DACH2: variants seen among roughly 807,000 people sequenced by gnomAD.
DACH2 encodes the protein dachshund homolog 2.
In DACH2, 17 loss-of-function variants were observed where a neutral mutation model predicts 35.8. The ratio of observed to expected loss-of-function variants is 0.48; its 90% CI spans 0.33 to 0.71. DACH2 has a LOEUF of 0.71. Among genes scored for constraint, DACH2 ranks in the 30% least tolerant of loss-of-function variants. DACH2 has a pLI of 0.02. For missense variants in DACH2, 469 were observed against 472.7 expected (o/e 0.99, Z 0.07); for synonymous variants, 195 against 177.3 (o/e 1.10, Z -0.79).
chrX:86,809,355 AT>A (rs200312336), intron 7 of DACH2, among the ~76,000 whole-genome samples: 195 of 111,274 alleles, frequency 1.8e-3, no homozygotes, highest in Admixed American at 0.016. Flanking sequence ...GCCAATTAGG[AT>A]TTTTCAACCC....
intron 7 of DACH2, among the ~76,000 whole-genome samples, chrX:86,784,097 AC>A (rs778821860): frequency 1.8e-5 from 2 of 110,144 alleles, no homozygotes; most frequent in Admixed American, 9.8e-5. Context: ...CATCCCATGT[AC>A]CCCACAAATA....
chrX:86,340,144 T>C (rs1175914579), intron 1 of DACH2, among the ~76,000 whole-genome samples: 1 of 111,948 alleles, frequency 8.9e-6, no homozygotes, highest in African/African-American at 3.2e-5. Context: ...TGTACAGGCA[T>C]ACCTTGTTTT....
chrX:86,585,624 A>G (rs1479545430), intron 3 of DACH2, among the ~76,000 whole-genome samples: 1 of 110,587 alleles, frequency 9.0e-6, no homozygotes, highest in African/African-American at 3.3e-5. Flanking sequence ...ATGTATGCTC[A>G]TTGGTTAGCT....
chrX:86,427,311 G>A (rs993633657), intron 2 of DACH2, among the ~76,000 whole-genome samples: 1 of 111,033 alleles, frequency 9.0e-6, no homozygotes, highest in African/African-American at 3.3e-5. Context: ...TGGAAATTGT[G>A]GAAAATTTTT....
rs180813159 is a variant in DACH2, at chrX:86,431,009, T to C, written c.527+54147T>C. 2.7e-4 allele frequency among the ~76,000 whole-genome samples: 30 copies of C among 112,191 alleles called. No individual in the cohort carries two copies. In the East Asian group the frequency reaches 3.1e-3, roughly 12 times the overall value. ...ATTAATTCTGTTGTGAGTGACTAAA[T>C]GCTATAGTTTGCTGACTTGAAGTTT... is the stretch of plus-strand genomic sequence containing the variant. On this transcript the variant is annotated intron_variant, in intron 2 of 11. Coordinates refer to ENST00000373125, the MANE Select transcript of DACH2 (RefSeq NM_053281.3).
chrX:86,183,416 G>A (rs2031565301), intron 1 of DACH2, among the ~76,000 whole-genome samples: 1 of 112,060 alleles, frequency 8.9e-6, no homozygotes, highest in South Asian at 3.7e-4. Context: ...GGCCTTTTCT[G>A]CATCTACTAA....
At chrX:86,228,762 C>CT (rs1388658643) in intron 1 of DACH2, among the ~76,000 whole-genome samples, 1 of 111,460 alleles carries the variant, frequency 9.0e-6, no homozygotes, top group Admixed American at 9.5e-5. Flanking sequence ...TGTGTATCTT[C>CT]TTTTGGGAAT....
intron 7 of DACH2, among the ~76,000 whole-genome samples, chrX:86,785,247 G>A (rs2042125901): frequency 8.9e-6 from 1 of 112,063 alleles, no homozygotes; most frequent in African/African-American, 3.2e-5. Context: ...TGCGTAAGCA[G>A]TGAAATATAC....
chrX:86,248,829 A>T (rs1198894840), intron 1 of DACH2, among the ~76,000 whole-genome samples: 2 of 111,376 alleles, frequency 1.8e-5, no homozygotes, highest in African/African-American at 6.5e-5. Context: ...ACAGCGTGGT[A>T]CTTGTACAAA....
intron 3 of DACH2, among the ~76,000 whole-genome samples, chrX:86,625,565 C>A (rs1230429573): frequency 1.8e-5 from 2 of 110,790 alleles, no homozygotes; most frequent in Non-Finnish European, 3.8e-5. Flanking sequence ...ACCCTAAACC[C>A]CACTGTATTA....
chrX:86,830,088 CCT>C (rs1315767831), intron 11 of DACH2: 2 of 111,796 alleles, frequency 1.8e-5, no homozygotes, highest in African/African-American at 6.5e-5. Flanking sequence ...AGCTACTACT[CCT>C]CTCTGTTTAT....
At chrX:86,677,052 C>T (rs890872050) in intron 4 of DACH2, among the ~76,000 whole-genome samples, 1 of 111,776 alleles carries the variant, frequency 8.9e-6, no homozygotes, top group Non-Finnish European at 1.9e-5. Context: ...GGAGATACTG[C>T]ACCTCAAAAT....
intron 7 of DACH2, among the ~76,000 whole-genome samples, chrX:86,789,937 G>A (rs1456496014): frequency 9.0e-6 from 1 of 110,920 alleles, no homozygotes; most frequent in Admixed American, 9.6e-5. Context: ...TTAACCAAAG[G>A]AAAATTACAA....
intron 1 of DACH2, among the ~76,000 whole-genome samples, chrX:86,259,388 C>T (rs921955451): frequency 2.9e-4 from 32 of 111,341 alleles, no homozygotes; most frequent in Admixed American, 1.4e-3. Flanking sequence ...TTCCATGATT[C>T]GTTTATTCAA....
At position 86,263,153 on chromosome X, in the gene DACH2, C is replaced by T. The variant is rs867024851; in HGVS notation, c.489-113671C>T. ...AAAGAACCATGTCAAAAGAAAGCAG[C>T]TATGAATGTATACTTCAGTGCTGGT... On this transcript the variant is annotated intron_variant, in intron 1 of 11. Coordinates refer to ENST00000373125, the MANE Select transcript of DACH2 (RefSeq NM_053281.3). 3.4e-4 allele frequency: 74 copies of T among 216,513 alleles called. 1 individual carries two copies. Among genetic ancestry groups the T allele is most frequent in the African/African-American group, 1.4e-3 (47 of 32,725 alleles). 17.8% of individuals were successfully genotyped at this position (216,513 alleles called of 1,213,427 possible).
intron 1 of DACH2, among the ~76,000 whole-genome samples, chrX:86,232,897 T>C (rs1205210296): frequency 8.9e-6 from 1 of 112,205 alleles, no homozygotes; most frequent in African/African-American, 3.2e-5. Context: ...CACATGTATG[T>C]TCATTGCAGA....
intron 3 of DACH2, among the ~76,000 whole-genome samples, chrX:86,608,343 G>A (rs947803039): frequency 8.9e-5 from 10 of 111,836 alleles, no homozygotes; most frequent in African/African-American, 3.2e-4. Flanking sequence ...TTCAACCATT[G>A]TGGAATTCAG....
chrX:86,483,751 G>A (rs1485250366), intron 2 of DACH2, among the ~76,000 whole-genome samples: 1 of 111,111 alleles, frequency 9.0e-6, no homozygotes, highest in Non-Finnish European at 1.9e-5. Context: ...AGGATTGCTT[G>A]AGCCTGGGAG....
At chrX:86,824,736 T>C (rs1372404599) in intron 11 of DACH2, among the ~76,000 whole-genome samples, 1 of 111,808 alleles carries the variant, frequency 8.9e-6, no homozygotes, top group African/African-American at 3.2e-5. Flanking sequence ...ATAATAAAAA[T>C]GAATAAATGC....
Sources: allele counts gnomAD v4.1 joint callset (sites outside exome capture counted in the v4.1 genomes callset), GRCh38; gene constraint gnomAD v4.1.1; transcripts MANE v1.5; gene names NCBI Gene and HGNC (gene_info 2026-07-23, HGNC 2026-07-21).